Variants in CFAP299 observed in about 807,000 individuals in gnomAD.
The protein encoded by CFAP299 is cilia- and flagella-associated protein 299.
Under a neutral mutation model 27.0 loss-of-function variants are expected in CFAP299, and 21 were observed. The ratio of observed to expected loss-of-function variants is 0.78; its 90% CI spans 0.55 to 1.12. The LOEUF is 1.12. CFAP299 is among the 50% of genes most tolerant of loss of function. CFAP299 has a pLI of 0.00. For synonymous variants in CFAP299, 104 were observed against 98.1 expected, an observed-to-expected ratio of 1.06 and a Z score of -0.36; for missense variants, 310 against 276.6, an observed-to-expected ratio of 1.12 and a Z score of -0.86.
chr4:80,458,896 C>A (rs968118979), intron 2 of CFAP299, among the ~76,000 whole-genome samples: 5 of 152,052 alleles, frequency 3.3e-5, no homozygotes, highest in Admixed American at 2.6e-4. Context: ...TTGAACTTTC[C>A]CAGGACTAAA....
chr4:80,691,768 T>A (rs369522366), intron 3 of CFAP299, among the ~76,000 whole-genome samples: 1 of 150,564 alleles, frequency 6.6e-6, no homozygotes, highest in Non-Finnish European at 1.5e-5. Context: ...CTGTTTGCAG[T>A]TGACATGATT....
chr4:80,529,231 TG>T (rs1349480802), intron 2 of CFAP299, among the ~76,000 whole-genome samples: 2 of 152,128 alleles, frequency 1.3e-5, no homozygotes, highest in Non-Finnish European at 2.9e-5. Flanking sequence ...GTCCTTTCCA[TG>T]GTTTTTTTTT....
chr4:80,484,361 G>A (rs1730710755), intron 2 of CFAP299, among the ~76,000 whole-genome samples: 2 of 152,062 alleles, frequency 1.3e-5, no homozygotes, highest in African/African-American at 2.4e-5. Context: ...CCATATACCT[G>A]TATAACCTGG....
Position 80,944,826 on chromosome 4 carries a change from G to T in CFAP299, c.493G>T (p.Ala165Ser). Residue 165 changes from alanine to serine, a missense_variant, in exon 5 of 6, where the codon GCT (alanine) becomes TCT (serine). Physicochemically the swap from Ala to Ser is moderately conservative, Grantham distance 99 (BLOSUM62 1). Coordinates refer to ENST00000358105, the MANE Select transcript of CFAP299 (RefSeq NM_152770.3). ...TTTTTATAGCTTTTACAACTGGGAC[G>T]CTGATATTGCTGTTAGTAATTCAAG... Reference protein sequence around the residue: ...PTDISFYNWDADIAVSNSSPN... With the variant: ...PTDISFYNWDSDIAVSNSSPN... 6.2e-7 allele frequency: 1 copy of T among 1,603,236 alleles called. No individual in the cohort carries two copies. Among genetic ancestry groups the T allele is most frequent in the East Asian group, 2.2e-5 (1 of 44,658 alleles).
chr4:80,583,152 GAGA>G lies in CFAP299; in HGVS notation c.309_311del (p.Glu103del), dbSNP rs1225397342. 1 of 1,606,096 alleles carries G rather than the reference GAGA, an allele frequency of 6.2e-7. No homozygotes were observed. Among genetic ancestry groups the G allele is most frequent in the Non-Finnish European group, 8.5e-7 (1 of 1,174,856 alleles). On this transcript the variant is annotated inframe_deletion, in exon 3 of 6. Coordinates refer to ENST00000358105, the MANE Select transcript of CFAP299 (RefSeq NM_152770.3). Reference sequence around the variant, plus strand: ...AATTTTCTGACGGCCCTGGCAATGAGAGAAGAAGACAATCGCAGTGGAAAACTG... The same window carrying G: ...AATTTTCTGACGGCCCTGGCAATGAGAGAAGACAATCGCAGTGGAAAACTG...
chr4:80,335,838 C>G lies in CFAP299; in HGVS notation c.70C>G (p.Leu24Val), dbSNP rs1189128607. 1.9e-6 allele frequency: 3 copies of G among 1,613,628 alleles called. No individual in the cohort carries two copies. The African/African-American group carries it at 4.0e-5, about 22-fold the overall frequency. ...VTQFNAYEDF[L>V]DSQITTVDLY... is the part of the protein sequence containing the mutation. ...TCAATTCAACGCCTATGAAGATTTCCTGGACTCGCAGATCACTACTGTGGA... is the reference window on the plus strand; with the variant it reads ...TCAATTCAACGCCTATGAAGATTTCGTGGACTCGCAGATCACTACTGTGGA... Residue 24 changes from leucine (L) to valine (V), a missense_variant, in exon 1 of 6, where the codon CTG (leucine) becomes GTG (valine). By Grantham distance (32) the Leu-to-Val change is conservative. Transcript: ENST00000358105.
chr4:80,522,821 A>G (rs1033439133), intron 2 of CFAP299, among the ~76,000 whole-genome samples: 1 of 151,896 alleles, frequency 6.6e-6, no homozygotes, highest in Non-Finnish European at 1.5e-5. Context: ...GTATGGGTTT[A>G]TTTCTCAGCT....
chr4:80,594,313 C>T (rs1452013777), intron 3 of CFAP299, among the ~76,000 whole-genome samples: 1 of 152,106 alleles, frequency 6.6e-6, no homozygotes, highest in Non-Finnish European at 1.5e-5. Context: ...ACTTATAAAA[C>T]CATCAGATCT....
At chr4:80,558,591 A>T (rs1734896032) in intron 2 of CFAP299, among the ~76,000 whole-genome samples, 1 of 151,940 alleles carries the variant, frequency 6.6e-6, no homozygotes, top group African/African-American at 2.4e-5. Context: ...ACCAAATAAG[A>T]GCGTCAGGCA....
chr4:80,814,327 C>T (rs925439195), intron 3 of CFAP299, among the ~76,000 whole-genome samples: 2 of 152,018 alleles, frequency 1.3e-5, no homozygotes. Flanking sequence ...TGTTTTCATG[C>T]TCTGAAAATG....
intron 3 of CFAP299, among the ~76,000 whole-genome samples, chr4:80,828,484 A>G (rs552058560): frequency 1.1e-3 from 171 of 152,166 alleles, no homozygotes; most frequent in African/African-American, 4.0e-3. Flanking sequence ...GTAATCCCCA[A>G]TGCTGGAGGC....
intron 2 of CFAP299, among the ~76,000 whole-genome samples, chr4:80,513,012 C>T (rs1732394998): frequency 2.6e-5 from 4 of 152,090 alleles, no homozygotes; most frequent in Admixed American, 1.3e-4. Context: ...ATTGAATTCA[C>T]ATTTTAACTT....
At chr4:80,764,318 A>T (rs942892658) in intron 3 of CFAP299, among the ~76,000 whole-genome samples, 1 of 152,236 alleles carries the variant, frequency 6.6e-6, no homozygotes, top group Non-Finnish European at 1.5e-5. Context: ...AAAAGAAGAC[A>T]TTTATGCGGC....
chr4:80,391,198 T>A (rs752963274), intron 2 of CFAP299, among the ~76,000 whole-genome samples: 1 of 152,134 alleles, frequency 6.6e-6, no homozygotes, highest in Non-Finnish European at 1.5e-5. Context: ...AGTGCAGATA[T>A]CTTTTCAACA....
In CFAP299 at chr4:80,390,513, ACATATATG is replaced by A. The variant is rs57806174; in HGVS notation, c.242+27630_242+27637del. ...TCTCTATATATATGTATATATACAC[ACATATATG>A]TATATATGTATATATGTATACACAC... On this transcript the variant is annotated intron_variant, in intron 2 of 5. Coordinates refer to ENST00000358105, the MANE Select transcript of CFAP299 (RefSeq NM_152770.3). Among the ~76,000 whole-genome samples, 504 of 121,372 alleles carry A rather than the reference ACATATATG, an allele frequency of 4.2e-3. 7 individuals carry two copies. Among genetic ancestry groups the A allele is most frequent in the African/African-American group, 0.014 (397 of 28,348 alleles). 79.6% of individuals were successfully genotyped at this position (121,372 alleles called of 152,430 possible).
intron 4 of CFAP299, among the ~76,000 whole-genome samples, chr4:80,879,947 C>A (rs1322305526): frequency 6.6e-6 from 1 of 152,178 alleles, no homozygotes; most frequent in Non-Finnish European, 1.5e-5. Context: ...TCTGTCTTTA[C>A]TATCATTCAT....
intron 3 of CFAP299, among the ~76,000 whole-genome samples, chr4:80,651,741 T>TC (rs1740314132): frequency 1.3e-5 from 2 of 150,850 alleles, no homozygotes; most frequent in African/African-American, 4.9e-5. Context: ...TGTGTGTGTT[T>TC]GTGTGTCTGT....
chr4:80,328,361 T>A, the CFAP299 span, among the ~76,000 whole-genome samples: 1 of 152,194 alleles, frequency 6.6e-6, no homozygotes, highest in Admixed American at 6.5e-5. Context: ...AACAGCAGGA[T>A]GAAATCCTTG....
At chr4:80,799,825 TATATTTATATATTATATTA>T (rs1728253270) in intron 3 of CFAP299, among the ~76,000 whole-genome samples, 2 of 38,648 alleles carry the variant, frequency 5.2e-5, no homozygotes, top group African/African-American at 2.2e-4. Flanking sequence ...ATATATTATA[TATATTTATATATTATATTA>T]TATAATATAT....
Sources: gnomAD v4.1 joint callset for allele counts (sites outside exome capture counted in the v4.1 genomes callset) on GRCh38, gnomAD v4.1.1 for gene constraint, MANE v1.5 for transcripts, NCBI Gene and HGNC (gene_info 2026-07-23, HGNC 2026-07-21) for gene names.